AKT3: variants seen among roughly 807,000 people sequenced by gnomAD.
The protein encoded by AKT3 is RAC-gamma serine/threonine-protein kinase.
A neutral mutation model predicts 65.3 loss-of-function variants in AKT3; 15 were observed. The ratio of observed to expected loss-of-function variants is 0.23; its 90% CI spans 0.15 to 0.35. AKT3 has a LOEUF of 0.35. AKT3 is among the 10% of genes least tolerant of loss of function. The pLI is 1.00. For synonymous variants in AKT3, 206 were observed against 183.8 expected (o/e 1.12, Z -0.98); for missense variants, 243 against 576.5 (o/e 0.42, Z 5.92).
intron 2 of AKT3, among the ~76,000 whole-genome samples, chr1:243,796,002 C>T (rs1036753578): frequency 6.6e-6 from 1 of 152,164 alleles, no homozygotes; most frequent in East Asian, 1.9e-4. Flanking sequence ...TTTCTGACCC[C>T]TATCTTCCTT....
intron 2 of AKT3, among the ~76,000 whole-genome samples, chr1:243,823,203 A>C (rs942976633): frequency 2.0e-5 from 3 of 152,224 alleles, no homozygotes; most frequent in Non-Finnish European, 4.4e-5. Flanking sequence ...AAAGACTCAG[A>C]AAAGGCCTTT....
At chr1:243,843,656 G>GTTTT in intron 1 of AKT3, 16 of 628,222 alleles carry the variant, frequency 2.5e-5, no homozygotes, top group African/African-American at 4.2e-5. Context: ...TAAATTTTTT[G>GTTTT]TTTTTTTTTT....
chr1:243,608,743 C>CTTTTTTTTTTTTTTTT (rs566574203), intron 8 of AKT3, among the ~76,000 whole-genome samples: 1 of 70,806 alleles, frequency 1.4e-5, no homozygotes, highest in African/African-American at 6.5e-5. Flanking sequence ...AAGTTTTTTG[C>CTTTTTTTTTTTTTTTT]TTTTTTTTTT....
At chr1:243,678,429 A>G (rs1296268662) in intron 3 of AKT3, among the ~76,000 whole-genome samples, 1 of 152,202 alleles carries the variant, frequency 6.6e-6, no homozygotes, top group African/African-American at 2.4e-5. Flanking sequence ...GAATGGGGGG[A>G]AAATCTCATC....
chr1:243,583,540 CAAAAAAAAAA>C (rs1294857854), intron 8 of AKT3, among the ~76,000 whole-genome samples: 3 of 30,014 alleles, frequency 1.0e-4, no homozygotes, highest in African/African-American at 2.1e-4. Flanking sequence ...AAGTAAGTCT[CAAAAAAAAAA>C]AAAAAAGAAA....
chr1:243,834,462 C>T (rs758710980), intron 2 of AKT3, among the ~76,000 whole-genome samples: 6 of 152,106 alleles, frequency 3.9e-5, no homozygotes, highest in South Asian at 2.1e-4. Context: ...ACTGAGTACA[C>T]ATGGACAATG....
intron 2 of AKT3, among the ~76,000 whole-genome samples, chr1:243,821,749 C>A (rs1333593644): frequency 6.6e-6 from 1 of 152,170 alleles, no homozygotes; most frequent in Non-Finnish European, 1.5e-5. Flanking sequence ...AATATATATG[C>A]ATCCAATATA....
chr1:243,844,750 G>A (rs1251340374), intron 1 of AKT3, among the ~76,000 whole-genome samples: 1 of 152,060 alleles, frequency 6.6e-6, no homozygotes, highest in East Asian at 1.9e-4. Context: ...ACTTTTCCTG[G>A]GACAAACATC....
At position 243,662,449 on chromosome 1, in the gene AKT3, C is replaced by T. The variant is rs1364264702; in HGVS notation, c.284+2323G>A. Among the ~76,000 whole-genome samples, 12 of 151,074 alleles carry T rather than the reference C, an allele frequency of 7.9e-5. No homozygotes were observed. The East Asian group carries it at 2.2e-3, about 27-fold the overall frequency. On this transcript the variant is annotated intron_variant, in intron 4 of 13. Coordinates refer to ENST00000673466, the MANE Select transcript of AKT3 (RefSeq NM_005465.7). ...GAAATCATCATTCTCAGTAAACTAT[C>T]GCAAGGACAAAAAACCAAACACCAC...
intron 13 of AKT3, among the ~76,000 whole-genome samples, chr1:243,494,084 G>A (rs912669070): frequency 6.6e-6 from 1 of 152,170 alleles, no homozygotes; most frequent in Non-Finnish European, 1.5e-5. Flanking sequence ...TTAGCTACCT[G>A]TAAGACAGAT....
intron 3 of AKT3, among the ~76,000 whole-genome samples, chr1:243,683,486 A>G (rs1201918658): frequency 6.6e-6 from 1 of 152,176 alleles, no homozygotes; most frequent in Non-Finnish European, 1.5e-5. Context: ...AAAACACAGT[A>G]GGTGCAAATG....
intron 12 of AKT3, among the ~76,000 whole-genome samples, chr1:243,531,329 A>G (rs1280270471): frequency 6.6e-6 from 1 of 152,106 alleles, no homozygotes; most frequent in African/African-American, 2.4e-5. Flanking sequence ...GAATCCTCCT[A>G]CCTTGGCCTC....
rs1436246295 is a variant in AKT3 at position 243,615,161 on chromosome 1, C to T, written c.562G>A (p.Asp188Asn). The T allele has an allele frequency of 6.2e-7, 1 of 1,603,464 alleles. No individual in the cohort carries two copies. The highest frequency in any genetic ancestry group is 2.2e-5 in the East Asian group (1 of 44,684). The stretch of plus-strand genomic sequence containing the variant: ...TCAGTTAGAGTGTGTGCCACTTCAT[C>T]CTACAAAAGAAAAAAAGCAAACCTT... ...ILKKEVIIAKDEVAHTLTESR... is the reference protein window; with the variant it reads ...ILKKEVIIAKNEVAHTLTESR... Residue 188 changes from aspartate (D) to asparagine (N), a missense_variant and splice_region_variant, in exon 7 of 14, where the codon GAT (aspartate) becomes AAT (asparagine). Coordinates refer to ENST00000673466, the MANE Select transcript of AKT3 (RefSeq NM_005465.7).
At chr1:243,694,163 C>T (rs1311662427) in intron 3 of AKT3, among the ~76,000 whole-genome samples, 1 of 152,080 alleles carries the variant, frequency 6.6e-6, no homozygotes, top group Non-Finnish European at 1.5e-5. Flanking sequence ...TAAATTATTT[C>T]AGAAAAACCA....
At chr1:243,582,447 CAAAA>C (rs59718769) in intron 8 of AKT3, among the ~76,000 whole-genome samples, 7 of 101,542 alleles carry the variant, frequency 6.9e-5, no homozygotes, top group Non-Finnish European at 6.4e-5. Context: ...TTAGCTTTCT[CAAAA>C]AAAAAAAAAA....
intron 6 of AKT3, among the ~76,000 whole-genome samples, chr1:243,622,311 C>G (rs1281239307): frequency 6.6e-6 from 1 of 152,184 alleles, no homozygotes; most frequent in Non-Finnish European, 1.5e-5. Context: ...TTCAGTGAGG[C>G]CTTCCATAGT....
At chr1:243,525,158 A>G (rs1435618862) in intron 12 of AKT3, among the ~76,000 whole-genome samples, 1 of 152,228 alleles carries the variant, frequency 6.6e-6, no homozygotes, top group Non-Finnish European at 1.5e-5. Context: ...TGCACAGGGC[A>G]GGCTCCAAGC....
At chr1:243,849,193 T>A (rs1367069606) in intron 1 of AKT3, among the ~76,000 whole-genome samples, 1 of 151,666 alleles carries the variant, frequency 6.6e-6, no homozygotes, top group Non-Finnish European at 1.5e-5. Flanking sequence ...CCGGAGGAGG[T>A]GGACAAGGAA....
intron 2 of AKT3, among the ~76,000 whole-genome samples, chr1:243,786,088 A>G (rs1441482871): frequency 6.6e-6 from 1 of 152,204 alleles, no homozygotes. Context: ...TTTCTTCTTC[A>G]TGAGACAAGA....
Sources: gnomAD v4.1 joint callset for allele counts (sites outside exome capture counted in the v4.1 genomes callset) on GRCh38, gnomAD v4.1.1 for gene constraint, MANE v1.5 for transcripts, NCBI Gene and HGNC (gene_info 2026-07-23, HGNC 2026-07-21) for gene names.